PUDP: variants seen among roughly 807,000 people sequenced by gnomAD.
PUDP encodes pseudouridine 5'-phosphatase, also known as pseudouridine-5'-phosphatase.
Under a neutral mutation model 9.4 loss-of-function variants are expected in PUDP, and 8 were observed. The ratio of observed to expected loss-of-function variants is 0.85; its 90% CI spans 0.50 to 1.53. PUDP has a LOEUF of 1.53. Ranked by LOEUF, PUDP falls within the 40% of genes most tolerant of loss-of-function variation. The pLI, the probability that PUDP is intolerant of heterozygous loss-of-function variation, is 0.00. For missense variants in PUDP, 188 were observed against 189.7 expected, an observed-to-expected ratio of 0.99 and a Z score of 0.05; for synonymous variants, 99 against 80.7, an observed-to-expected ratio of 1.23 and a Z score of -1.22.
chrX:7,026,095 G>A (rs1929705471), intron 1 of PUDP, among the ~76,000 whole-genome samples: 1 of 112,094 alleles, frequency 8.9e-6, no homozygotes, highest in Non-Finnish European at 1.9e-5. Context: ...TGGAGAAGGT[G>A]TTCTATAATG....
intron 3 of PUDP, among the ~76,000 whole-genome samples, chrX:6,790,324 T>C (rs758787727): frequency 8.9e-6 from 1 of 112,405 alleles, no homozygotes; most frequent in South Asian, 3.7e-4. Context: ...TTTATAAGTA[T>C]AATAATCCTA....
At chrX:7,118,268 G>C (rs1462283975) in intron 1 of PUDP, among the ~76,000 whole-genome samples, 11 of 112,322 alleles carry the variant, frequency 9.8e-5, no homozygotes, top group South Asian at 3.7e-4. Context: ...CAAAACTATA[G>C]AACAGTGAGG....
At chrX:6,906,183 G>T (rs1337905140) in intron 3 of PUDP, among the ~76,000 whole-genome samples, 1 of 112,082 alleles carries the variant, frequency 8.9e-6, no homozygotes, top group African/African-American at 3.2e-5. Flanking sequence ...AACATCTGTT[G>T]TTTACTGCTG....
chrX:7,120,388 T>A (rs978333895), intron 1 of PUDP, among the ~76,000 whole-genome samples: 1 of 110,856 alleles, frequency 9.0e-6, no homozygotes, highest in African/African-American at 3.3e-5. Flanking sequence ...GCGGCCACTC[T>A]AGGAGCTGGA....
At chrX:7,128,129 C>A (rs952258408) in intron 1 of PUDP, among the ~76,000 whole-genome samples, 1 of 111,152 alleles carries the variant, frequency 9.0e-6, no homozygotes, top group African/African-American at 3.3e-5. Context: ...GCAACCTCTG[C>A]CTTCCAGGTT....
At chrX:6,743,706 T>C (rs114107710) in intron 3 of PUDP, among the ~76,000 whole-genome samples, 3,504 of 111,383 alleles carry the variant, frequency 0.031, 175 homozygotes, top group African/African-American at 0.11. Context: ...CCACCACACA[T>C]TTGCCATGTG....
intron 3 of PUDP, among the ~76,000 whole-genome samples, chrX:6,926,945 T>TTTTTTA (rs1928112886): frequency 1.0e-5 from 1 of 100,298 alleles, no homozygotes; most frequent in African/African-American, 3.7e-5. Flanking sequence ...TTTTTTTTTT[T>TTTTTTA]GAGACTGTGT....
At chrX:7,040,024 G>A (rs1384352369) in intron 1 of PUDP, among the ~76,000 whole-genome samples, 2 of 112,105 alleles carry the variant, frequency 1.8e-5, no homozygotes, top group Non-Finnish European at 3.8e-5. Context: ...CTTTCTGTGA[G>A]TTCACCACCT....
At chrX:6,799,845 T>C (rs759887958) in intron 3 of PUDP, among the ~76,000 whole-genome samples, 1 of 110,357 alleles carries the variant, frequency 9.1e-6, no homozygotes, top group South Asian at 3.9e-4. Flanking sequence ...TCAAAAAAAA[T>C]AATAAAAAAA....
intron 3 of PUDP, among the ~76,000 whole-genome samples, chrX:6,893,421 T>G (rs1927544080): frequency 8.9e-6 from 1 of 111,900 alleles, no homozygotes; most frequent in African/African-American, 3.2e-5. Context: ...TTTTTACCAT[T>G]TTCCCCCTAA....
intron 1 of PUDP, among the ~76,000 whole-genome samples, chrX:6,998,987 G>A (rs1449236429): frequency 9.0e-6 from 1 of 111,571 alleles, no homozygotes; most frequent in East Asian, 2.8e-4. Context: ...GACTAAGCAC[G>A]GTAGAGGGAC....
intron 3 of PUDP, among the ~76,000 whole-genome samples, chrX:6,960,532 C>T (rs1178294387): frequency 8.9e-6 from 1 of 111,905 alleles, no homozygotes; most frequent in Non-Finnish European, 1.9e-5. Context: ...TCTTGGACTT[C>T]CCGGCATCCA....
At chrX:6,712,690 A>C (rs1924547426) in intron 1 of PUDP, among the ~76,000 whole-genome samples, 1 of 111,245 alleles carries the variant, frequency 9.0e-6, no homozygotes, top group African/African-American at 3.3e-5. Context: ...GGACTCCAAA[A>C]CTCAAGAAAG....
chrX:6,804,226 A>C (rs1039790972), intron 3 of PUDP, among the ~76,000 whole-genome samples: 4 of 111,196 alleles, frequency 3.6e-5, no homozygotes, highest in Admixed American at 9.6e-5. Flanking sequence ...AATCCTGGTC[A>C]TCCAATGCTG....
intron 3 of PUDP, among the ~76,000 whole-genome samples, chrX:6,799,666 AGT>A (rs1453233733): frequency 1.8e-5 from 2 of 111,119 alleles, no homozygotes; most frequent in African/African-American, 6.5e-5. Flanking sequence ...GGAGAAACCC[AGT>A]CTCTACTAAA....
intron 3 of PUDP, among the ~76,000 whole-genome samples, chrX:6,887,422 C>T (rs1489084356): frequency 3.7e-5 from 4 of 109,546 alleles, no homozygotes; most frequent in Admixed American, 3.0e-4. Context: ...GAAAGAGAGC[C>T]GTATTAAGGC....
At chrX:7,106,454 C>T (rs1931885768) in intron 1 of PUDP, among the ~76,000 whole-genome samples, 2 of 112,597 alleles carry the variant, frequency 1.8e-5, no homozygotes, top group Admixed American at 1.9e-4. Flanking sequence ...TGCCTGCTTT[C>T]CTCACGCTTA....
intron 3 of PUDP, among the ~76,000 whole-genome samples, chrX:6,972,527 T>A (rs1318785127): frequency 1.2e-4 from 14 of 112,380 alleles, no homozygotes; most frequent in Non-Finnish European, 2.3e-4. Context: ...TTGTGTATGT[T>A]GCACCAGCCT....
chrX:7,055,046 C>T (rs1350788297), intron 3 of PUDP, among the ~76,000 whole-genome samples: 1 of 110,865 alleles, frequency 9.0e-6, no homozygotes, highest in Non-Finnish European at 1.9e-5. Context: ...GAGAAGAAAC[C>T]CCCTGGTGCT....
Sources: allele counts gnomAD v4.1 joint callset (sites outside exome capture counted in the v4.1 genomes callset), GRCh38; gene constraint gnomAD v4.1.1; transcripts MANE v1.5; gene names NCBI Gene and HGNC (gene_info 2026-07-23, HGNC 2026-07-21).